The following SMARCC2 variants were observed in gnomAD, a reference collection of about 807,000 sequenced individuals.
SMARCC2 encodes SWI/SNF related BAF chromatin remodeling complex subunit C2, also known as SWI/SNF complex subunit SMARCC2.
A neutral mutation model predicts 151.3 loss-of-function variants in SMARCC2; 15 were observed. The ratio of observed to expected loss-of-function variants is 0.10; its 90% CI spans 0.07 to 0.15. The LOEUF (loss-of-function observed/expected upper bound fraction) is 0.15, where lower values mean the gene tolerates loss of function less well. Ranked by LOEUF, SMARCC2 falls within the 10% of genes least tolerant of loss-of-function variation. The pLI, the probability that SMARCC2 is intolerant of heterozygous loss-of-function variation, is 1.00. For missense variants in SMARCC2, 1,031 were observed against 1,599.7 expected (o/e 0.64, Z 6.06); for synonymous variants, 590 against 609.5 (o/e 0.97, Z 0.47).
chr12:56,169,944 C>A, intron 23 of SMARCC2, 33 bp from the exon 24 acceptor site: 9 of 1,604,344 alleles, frequency 5.6e-6, no homozygotes, highest in Non-Finnish European at 7.7e-6. Flanking sequence ...GGAGAGTTAT[C>A]AGGGATTAGG....
At chr12:56,184,085 G>A (rs560035561) in intron 6 of SMARCC2, 90 bp downstream of exon 6, 4 of 1,091,510 alleles carry the variant, frequency 3.7e-6, no homozygotes, top group Admixed American at 2.0e-5. Context: ...TGAAAGAAGA[G>A]GAGGAGCCCA....
chr12:56,164,767 A>G, intron 27 of SMARCC2, 36 bp from the exon 28 acceptor site: 1 of 1,511,484 alleles, frequency 6.6e-7, no homozygotes, highest in South Asian at 1.2e-5. Flanking sequence ...AAAATTAGGT[A>G]TAAAATTTTG....
At position 56,164,320 on chromosome 12, in the gene SMARCC2, C is replaced by G. The variant is rs1872357628; in HGVS notation, c.3644G>C (p.Ser1215Thr). The change falls in exon 28 of 29, where the codon AGT (serine) becomes ACT (threonine). Residue 1215 changes from serine to threonine, a missense_variant. Coordinates refer to ENST00000550164, the MANE Select transcript of SMARCC2 (RefSeq NM_001330288.2). Reference sequence around the variant, plus strand: ...CTTCTCACCTGGCAGTGGGCTGGCACTGGGCAGGAGGTTGCCCTGAACAGC... The same window carrying G: ...CTTCTCACCTGGCAGTGGGCTGGCAGTGGGCAGGAGGTTGCCCTGAACAGC... ...VAAVQGNLLP[S>T]ASPLPDPGTP... 6.2e-7 allele frequency: 1 copy of G among 1,612,970 alleles called. No homozygotes were observed. Among genetic ancestry groups the G allele is most frequent in the Admixed American group, 1.7e-5 (1 of 60,006 alleles).
rs1565917763 is a variant in SMARCC2, at chr12:56,181,798, T to C, written c.746A>G (p.Asn249Ser). 1 of 1,614,170 alleles carries C rather than the reference T, an allele frequency of 6.2e-7. No homozygotes were observed. Residue 249 changes from asparagine to serine, a missense_variant, in exon 9 of 29, where the codon AAT (asparagine) becomes AGT (serine). This residue lies in a region of SMARCC2 where 123 missense variants were observed against 190.4 expected (regional missense o/e 0.65). Transcript: ENST00000550164. ...AKWILDTDTFNEWMNEEDYEV... is the reference protein window; with the variant it reads ...AKWILDTDTFSEWMNEEDYEV... The stretch of plus-strand genomic sequence containing the variant: ...ATAGTCTTCCTCATTCATCCATTCA[T>C]TGAAGGTGTCGGTGTCCAGGATCCA...
chr12:56,178,365 G>A (rs375671713), intron 14 of SMARCC2, 39 bp downstream of exon 14: 3 of 1,612,042 alleles, frequency 1.9e-6, no homozygotes, highest in African/African-American at 2.7e-5. Flanking sequence ...CTGGAGGCAG[G>A]GAAATAAGGA....
chr12:56,168,262 T>C (rs1445225476), intron 25 of SMARCC2, 68 bp from the exon 26 acceptor site: 4 of 1,577,182 alleles, frequency 2.5e-6, no homozygotes, highest in African/African-American at 2.7e-5. Context: ...AGAAGAAAGG[T>C]AGGGTGGATG....
In SMARCC2 at chr12:56,189,452, G is replaced by A. The variant is rs1449517756; in HGVS notation, c.10C>T (p.Arg4Trp). ...ACGTTGGGGCCGCCGTCCTTCTTCCGCACCGCCATCTTCTCCGGCTCGGGC... is the reference window on the plus strand; with the variant it reads ...ACGTTGGGGCCGCCGTCCTTCTTCCACACCGCCATCTTCTCCGGCTCGGGC... Reference protein sequence around the residue: MAVRKKDGGPNVKY... With the variant: MAVWKKDGGPNVKY... The change falls in exon 1 of 29, where the codon CGG (arginine) becomes TGG (tryptophan). Residue 4 changes from arginine (R) to tryptophan (W), a missense_variant. Physicochemically the swap from Arg to Trp is moderately radical, Grantham distance 101. This residue lies in a region of SMARCC2 where 50 missense variants were observed against 52.4 expected (regional missense o/e 0.95). Coordinates refer to ENST00000550164, the MANE Select transcript of SMARCC2 (RefSeq NM_001330288.2). 4 of 1,493,588 alleles carry A rather than the reference G, an allele frequency of 2.7e-6. No homozygotes were observed. Among genetic ancestry groups the A allele is most frequent in the Admixed American group, 2.0e-5 (1 of 50,038 alleles). The allele number at this position is 1,493,588 out of a possible 1,614,324, so 92.5% of individuals were successfully genotyped here.
At chr12:56,181,934 G>C (rs1565918029) in intron 8 of SMARCC2, 70 bp downstream of exon 8, 11 of 1,587,380 alleles carry the variant, frequency 6.9e-6, no homozygotes, top group Non-Finnish European at 9.5e-6. Flanking sequence ...ACAAGCCTCT[G>C]TTTCACTTCC....
intron 3 of SMARCC2, 97 bp from the exon 4 acceptor site, chr12:56,185,208 T>C: frequency 1.1e-6 from 1 of 937,540 alleles, no homozygotes; most frequent in Non-Finnish European, 1.7e-6. Flanking sequence ...AGATGGAGTC[T>C]TGCTCTGTCA....
chr12:56,183,347 T>C (rs912612800), intron 7 of SMARCC2: 5 of 151,374 alleles, frequency 3.3e-5, no homozygotes, highest in Non-Finnish European at 5.9e-5. Context: ...TTTGTATTTT[T>C]AGTAGAGACG....
Position 56,173,741 on chromosome 12 carries a change from A to C in SMARCC2, c.1605T>G (p.Ala535=), listed in dbSNP as rs941137554. The change falls in exon 17 of 29, where the codon GCT becomes GCG. Residue 535 remains alanine (A), a synonymous_variant. Transcript: ENST00000550164. ...GAGGCACCAGCCCTGATGGTGTGTC[A>C]GCCAAGACATGGAAGTGAGAGGTAG... ...PPPTSHFHVL[A]DTPSGLVPLQ... 1.2e-6 allele frequency: 2 copies of C among 1,614,108 alleles called. No individual in the cohort carries two copies. The highest frequency in any genetic ancestry group is 1.7e-6 in the Non-Finnish European group (2 of 1,179,986).
chr12:56,186,509 C>A, intron 2 of SMARCC2: 1 of 412,008 alleles, frequency 2.4e-6, no homozygotes, highest in South Asian at 2.5e-5. Flanking sequence ...AGCCACCACA[C>A]CCGGCTAATT....
Position 56,183,851 on chromosome 12 carries a change from C to G in SMARCC2, c.632+10G>C, listed in dbSNP as rs1457160986. ...TTATACTTAAACCTGCCCCAGGAAC[C>G]CATCCTCACCTGTCAGGATAGTAGC... On this transcript the variant is annotated intron_variant, in intron 7 of 28. Coordinates refer to ENST00000550164, the MANE Select transcript of SMARCC2 (RefSeq NM_001330288.2). 6.2e-7 allele frequency: 1 copy of G among 1,609,436 alleles called. No individual in the cohort carries two copies. Among genetic ancestry groups the G allele is most frequent in the Non-Finnish European group, 8.5e-7 (1 of 1,176,310 alleles).
chr12:56,168,217 G>C (rs1334345875), intron 25 of SMARCC2, 23 bp from the exon 26 acceptor site: 1 of 1,613,746 alleles, frequency 6.2e-7, no homozygotes, highest in East Asian at 2.2e-5. Context: ...GGGCGAGACA[G>C]CACATCAGTG....
In SMARCC2 at chr12:56,164,388, C is replaced by T. The variant is rs775147777; in HGVS notation, c.3576G>A (p.Pro1192=). ...TTTGGGCTGCGGCGGATCCGAGCCCCGGCCCGAGAGGCAAGGAAGATGGCA... is the reference window on the plus strand; with the variant it reads ...TTTGGGCTGCGGCGGATCCGAGCCCTGGCCCGAGAGGCAAGGAAGATGGCA... ...TTMPSSLPLG[P]GLGSAAAQSP... The change falls in exon 28 of 29, where the codon CCG becomes CCA. Residue 1192 remains proline, a synonymous_variant. Coordinates refer to ENST00000550164, the MANE Select transcript of SMARCC2 (RefSeq NM_001330288.2). 8.1e-6 allele frequency: 13 copies of T among 1,613,720 alleles called. No individual in the cohort carries two copies. The highest frequency in any genetic ancestry group is 1.1e-5 in the South Asian group (1 of 91,078).
chr12:56,164,977 G>A lies in SMARCC2; in HGVS notation c.3233-246C>T, dbSNP rs540509633. On this transcript the variant is annotated intron_variant, in intron 27 of 28. Transcript: ENST00000550164. ...TAATTTTTGTATTTTTACTAGAGAC[G>A]GGGTTTCAACATGTTGGCCAGGATG... is the stretch of plus-strand genomic sequence containing the variant. 2.0e-5 allele frequency among the ~76,000 whole-genome samples: 3 copies of A among 152,114 alleles called. No individual in the cohort carries two copies. In the South Asian group the frequency reaches 6.2e-4, roughly 32 times the overall value.
At chr12:56,176,883 G>A (rs1261859706) in intron 15 of SMARCC2, among the ~76,000 whole-genome samples, 5 of 151,696 alleles carry the variant, frequency 3.3e-5, no homozygotes, top group Non-Finnish European at 5.9e-5. Flanking sequence ...GTGCAATGGC[G>A]TAATCTCGGC....
Position 56,164,441 on chromosome 12 carries a change from G to A in SMARCC2, c.3523C>T (p.His1175Tyr). The stretch of plus-strand genomic sequence containing the variant: ...GTGGTGGTCGCCGGCAGGTTAGGAT[G>A]TAGAGGGTTCGCCATGGACACAGGC... The part of the protein sequence containing the change: ...NLPVSMANPL[H>Y]PNLPATTTMP... Residue 1175 changes from histidine (H) to tyrosine (Y), a missense_variant, in exon 28 of 29, where the codon CAT (histidine) becomes TAT (tyrosine). By Grantham distance (83) the His-to-Tyr change is moderately conservative. Coordinates refer to ENST00000550164, the MANE Select transcript of SMARCC2 (RefSeq NM_001330288.2). 1.2e-6 allele frequency: 2 copies of A among 1,614,102 alleles called. No individual in the cohort carries two copies. Among genetic ancestry groups the A allele is most frequent in the Non-Finnish European group, 8.5e-7 (1 of 1,180,034 alleles).
intron 1 of SMARCC2, among the ~76,000 whole-genome samples, chr12:56,188,976 G>C (rs868019771): frequency 4.6e-5 from 7 of 152,208 alleles, no homozygotes; most frequent in South Asian, 4.1e-4. Flanking sequence ...GCTCTGGCGG[G>C]CACGCTCCGG....
Sources: allele counts gnomAD v4.1 joint callset (sites outside exome capture counted in the v4.1 genomes callset), GRCh38; gene constraint gnomAD v4.1.1; regional missense constraint gnomAD v4.1.1; transcripts MANE v1.5; gene names NCBI Gene and HGNC (gene_info 2026-07-23, HGNC 2026-07-21).